The following MZT1 variants were observed in gnomAD, a reference collection of about 807,000 sequenced individuals.
MZT1 encodes the protein mitotic spindle organizing protein 1.
A neutral mutation model predicts 8.5 loss-of-function variants in MZT1; 8 were observed. That is an observed-to-expected ratio of 0.94 (90% CI 0.55 to 1.70). MZT1 has a LOEUF of 1.70. Among genes scored for constraint, MZT1 ranks in the 40% most tolerant of loss-of-function variants. The probability of loss-of-function intolerance (pLI) is 0.00; values close to 1 mark genes in which losing one functional copy is unlikely to be tolerated. For missense variants in MZT1, 93 were observed against 108.6 expected, an observed-to-expected ratio of 0.86 and a Z score of 0.64; for synonymous variants, 38 against 42.0, an observed-to-expected ratio of 0.90 and a Z score of 0.37.
At chr13:72,723,743 C>T (rs2032611596) in intron 1 of MZT1, among the ~76,000 whole-genome samples, 1 of 152,180 alleles carries the variant, frequency 6.6e-6, no homozygotes, top group African/African-American at 2.4e-5. Context: ...TATGCTACTG[C>T]TGCAAATACA....
At chr13:72,723,441 G>A (rs1372001) in intron 1 of MZT1, among the ~76,000 whole-genome samples, 134,469 of 152,188 alleles carry the variant, frequency 0.88, 61,404 homozygotes, top group Non-Finnish European at 0.99. Flanking sequence ...ACATAACACC[G>A]TAGTGGAAAA....
At chr13:72,714,666 T>C (rs1341153069) in intron 2 of MZT1, among the ~76,000 whole-genome samples, 2 of 152,226 alleles carry the variant, frequency 1.3e-5, no homozygotes, top group Non-Finnish European at 2.9e-5. Flanking sequence ...CCAGCCACTC[T>C]GGCTCCAGCC....
chr13:72,715,993 C>T (rs549749309), intron 2 of MZT1, among the ~76,000 whole-genome samples: 25 of 152,238 alleles, frequency 1.6e-4, no homozygotes, highest in African/African-American at 5.8e-4. Context: ...TCTTGGCTCA[C>T]TGCCACCTCC....
intron 2 of MZT1, 150 bp downstream of exon 2, chr13:72,718,802 T>A: frequency 1.5e-6 from 1 of 688,664 alleles, no homozygotes; most frequent in Non-Finnish European, 2.2e-6. Context: ...TTTTATGATA[T>A]GAACATACAC....
At chr13:72,710,943 T>A (rs78765979) in intron 2 of MZT1, among the ~76,000 whole-genome samples, 12 of 152,182 alleles carry the variant, frequency 7.9e-5, no homozygotes, top group African/African-American at 2.7e-4. Flanking sequence ...TAAAAAGATA[T>A]AATTTTAAAT....
In MZT1 at chr13:72,709,763, A is replaced by G. The variant is rs1425948735; in HGVS notation, c.*559T>C. On this transcript the variant is annotated 3_prime_UTR_variant, in exon 3 of 3. Transcript: ENST00000377818. Reference sequence around the variant, plus strand: ...TTTGTTCAAGAGTAGATTACAAGAAATGTTTTCCATGCTCTTATTTCAAAA... The same window carrying G: ...TTTGTTCAAGAGTAGATTACAAGAAGTGTTTTCCATGCTCTTATTTCAAAA... The G allele has an allele frequency of 6.6e-6, 1 of 152,162 alleles. No homozygotes were observed. The highest frequency in any genetic ancestry group is 1.5e-5 in the Non-Finnish European group (1 of 67,980). The allele number at this position is 152,162 out of a possible 1,614,324, so 9.4% of individuals were successfully genotyped here.
chr13:72,711,009 C>G (rs1032383293), intron 2 of MZT1, among the ~76,000 whole-genome samples: 1 of 151,948 alleles, frequency 6.6e-6, no homozygotes, highest in African/African-American at 2.4e-5. Flanking sequence ...TTTCTAACTC[C>G]TTTTTATAAG....
At position 72,727,582 on chromosome 13, in the gene MZT1, A is replaced by G. The variant is rs775828017; in HGVS notation, c.21T>C (p.Ala7=). 1 of 1,593,546 alleles carries G rather than the reference A, an allele frequency of 6.3e-7. No homozygotes were observed. The highest frequency in any genetic ancestry group is 8.6e-7 in the Non-Finnish European group (1 of 1,166,448). MASSSG[A]GAAAAAAAAN... Reference sequence around the variant, plus strand: ...CCGCCGCGGCCGCCGCCGCCGCCCCAGCACCGCTGCTACTCGCCATGGCTA... The same window carrying G: ...CCGCCGCGGCCGCCGCCGCCGCCCCGGCACCGCTGCTACTCGCCATGGCTA... The change falls in exon 1 of 3, where the codon GCT becomes GCC. Residue 7 remains alanine (A), a synonymous_variant. Coordinates refer to ENST00000377818, the MANE Select transcript of MZT1 (RefSeq NM_001071775.3).
At chr13:72,710,400 T>G in intron 2 of MZT1, 55 bp from the exon 3 acceptor site, 1 of 1,572,444 alleles carries the variant, frequency 6.4e-7, no homozygotes, top group South Asian at 1.1e-5. Flanking sequence ...AGAGGCATCA[T>G]GAAGATAAAT....
rs77114463 is a variant in MZT1, at chr13:72,726,040, T to G, written c.79+1484A>C. On this transcript the variant is annotated intron_variant, in intron 1 of 2. Transcript: ENST00000377818. Reference sequence around the variant, plus strand: ...AACAGCAAGGTAGATACTGAACAAGTGAAAAATTAGATGCAAAGGCTCTAA... The same window carrying G: ...AACAGCAAGGTAGATACTGAACAAGGGAAAAATTAGATGCAAAGGCTCTAA... 3.9e-3 allele frequency among the ~76,000 whole-genome samples: 592 copies of G among 151,846 alleles called. 3 individuals carry two copies. Among genetic ancestry groups the G allele is most frequent in the African/African-American group, 0.013 (552 of 41,434 alleles).
intron 1 of MZT1, among the ~76,000 whole-genome samples, chr13:72,726,094 G>A (rs9600016): frequency 0.9 from 136,176 of 151,858 alleles, 62,527 homozygotes; most frequent in Non-Finnish European, 0.99. Context: ...AGAAAACCAG[G>A]ACCAGTGCAG....
intron 1 of MZT1, among the ~76,000 whole-genome samples, chr13:72,726,421 G>C (rs573342560): frequency 6.6e-6 from 1 of 152,190 alleles, no homozygotes; most frequent in Admixed American, 6.5e-5. Flanking sequence ...ACTACAGCAA[G>C]ACTGTGTCTC....
chr13:72,718,746 T>C (rs2032563196), intron 2 of MZT1, among the ~76,000 whole-genome samples: 1 of 152,126 alleles, frequency 6.6e-6, no homozygotes, highest in Non-Finnish European at 1.5e-5. Context: ...CCCAAAGTGC[T>C]GGGATTACAG....
rs1186075877 is a variant in MZT1 at position 72,709,748 on chromosome 13, A to G, written c.*574T>C. ...AAAAACTAAATATTCTTTGTTCAAG[A>G]GTAGATTACAAGAAATGTTTTCCAT... On this transcript the variant is annotated 3_prime_UTR_variant, in exon 3 of 3. Coordinates refer to ENST00000377818, the MANE Select transcript of MZT1 (RefSeq NM_001071775.3). 1 of 152,150 alleles carries G rather than the reference A, an allele frequency of 6.6e-6. No individual in the cohort carries two copies. The highest frequency in any genetic ancestry group is 1.5e-5 in the Non-Finnish European group (1 of 67,974). 9.4% of individuals were successfully genotyped at this position (152,150 alleles called of 1,614,324 possible).
chr13:72,711,859 T>C (rs1384561654), intron 2 of MZT1, among the ~76,000 whole-genome samples: 1 of 152,120 alleles, frequency 6.6e-6, no homozygotes, highest in Non-Finnish European at 1.5e-5. Context: ...CTGTCCCAAA[T>C]GGCAATAAGA....
chr13:72,713,725 C>G (rs988683867), intron 2 of MZT1, among the ~76,000 whole-genome samples: 2 of 152,084 alleles, frequency 1.3e-5, no homozygotes, highest in African/African-American at 4.8e-5. Context: ...CTGAGCATCC[C>G]TAATTAGAAA....
chr13:72,717,166 T>G (rs1254774779), intron 2 of MZT1, among the ~76,000 whole-genome samples: 1 of 152,144 alleles, frequency 6.6e-6, no homozygotes, highest in Non-Finnish European at 1.5e-5. Flanking sequence ...TCTTAGCAGG[T>G]CCTTACTCGA....
chr13:72,711,611 G>A (rs2032489451), intron 2 of MZT1, among the ~76,000 whole-genome samples: 1 of 151,212 alleles, frequency 6.6e-6, no homozygotes, highest in South Asian at 2.1e-4. Context: ...ATACCATACA[G>A]TTAAATTCTA....
In MZT1 at chr13:72,727,524, C is replaced by G. The variant is rs1281646573; in HGVS notation, c.79G>C (p.Val27Leu). 1.2e-6 allele frequency: 2 copies of G among 1,613,462 alleles called. No homozygotes were observed. The highest frequency in any genetic ancestry group is 1.3e-5 in the African/African-American group (1 of 74,928). Residue 27 changes from valine to leucine, a missense_variant and splice_region_variant, in exon 1 of 3, where the codon GTT becomes CTT. Val to Leu is a conservative substitution (Grantham distance 32). Transcript: ENST00000377818. ...TAAAGGGAGCGCAACGGAAACTCAC[C>G]GTCCATGGTCTCCCGCACCGCATTC... ...NLNAVRETMD[V>L]LLEISRILNT...
Sources: gnomAD v4.1 joint callset for allele counts (sites outside exome capture counted in the v4.1 genomes callset) on GRCh38, gnomAD v4.1.1 for gene constraint, MANE v1.5 for transcripts, NCBI Gene and HGNC (gene_info 2026-07-23, HGNC 2026-07-21) for gene names.